KCNMB2: variants seen among roughly 807,000 people sequenced by gnomAD.
KCNMB2 encodes the protein calcium-activated potassium channel subunit beta-2.
In KCNMB2, 9 loss-of-function variants were observed where a neutral mutation model predicts 24.5. The ratio of observed to expected loss-of-function variants is 0.37; its 90% confidence interval spans 0.22 to 0.64. KCNMB2 has a LOEUF of 0.64. Among genes scored for constraint, KCNMB2 ranks in the 30% least tolerant of loss-of-function variants. The pLI, the probability that KCNMB2 is intolerant of heterozygous loss-of-function variation, is 0.63. For missense variants in KCNMB2, 226 were observed against 284.3 expected (o/e 0.79, Z 1.47); for synonymous variants, 109 against 104.4 (o/e 1.04, Z -0.27).
intron 1 of KCNMB2, among the ~76,000 whole-genome samples, chr3:178,693,482 C>A (rs755594945): frequency 7.9e-5 from 12 of 152,070 alleles, no homozygotes; most frequent in Non-Finnish European, 2.9e-5. Context: ...TTATTGAAAG[C>A]ATTTTCTACA....
chr3:178,754,150 G>GTGTATATATATATATATATATA (rs1553773711), intron 1 of KCNMB2, among the ~76,000 whole-genome samples: 1 of 106,282 alleles, frequency 9.4e-6, no homozygotes, highest in African/African-American at 3.8e-5. Flanking sequence ...ATATTCCATT[G>GTGTATATATATATATATATATA]TATATATATA....
At chr3:178,753,305 A>G (rs1723912019) in intron 1 of KCNMB2, among the ~76,000 whole-genome samples, 2 of 152,218 alleles carry the variant, frequency 1.3e-5, no homozygotes, top group Admixed American at 1.3e-4. Flanking sequence ...AGCCACGATG[A>G]TCACAAGTGT....
chr3:178,741,498 T>C (rs1723495708), intron 1 of KCNMB2, among the ~76,000 whole-genome samples: 1 of 152,174 alleles, frequency 6.6e-6, no homozygotes, highest in Non-Finnish European at 1.5e-5. Flanking sequence ...GCTTCATTTT[T>C]TACTTCCCTC....
At chr3:178,559,586 T>C (rs1391347018) in intron 1 of KCNMB2, among the ~76,000 whole-genome samples, 1 of 151,044 alleles carries the variant, frequency 6.6e-6, no homozygotes, top group Non-Finnish European at 1.5e-5. Flanking sequence ...AAATATGTAT[T>C]TTATATCACT....
chr3:178,769,959 C>G (rs2108420101), intron 1 of KCNMB2, among the ~76,000 whole-genome samples: 1 of 152,284 alleles, frequency 6.6e-6, no homozygotes, highest in Non-Finnish European at 1.5e-5. Context: ...AAAAAAATGT[C>G]TGTAACTCAG....
intron 1 of KCNMB2, among the ~76,000 whole-genome samples, chr3:178,674,299 A>G (rs944555070): frequency 4.6e-5 from 7 of 152,072 alleles, no homozygotes; most frequent in African/African-American, 1.7e-4. Context: ...ACTCCACTCT[A>G]GCTTTCTACT....
At chr3:178,756,860 T>G (rs1437817299) in intron 1 of KCNMB2, among the ~76,000 whole-genome samples, 2 of 152,030 alleles carry the variant, frequency 1.3e-5, no homozygotes, top group East Asian at 3.9e-4. Flanking sequence ...ATCTAACACA[T>G]GCATTTTTTC....
At chr3:178,795,679 T>C (rs1453336786) in intron 1 of KCNMB2, among the ~76,000 whole-genome samples, 2 of 152,146 alleles carry the variant, frequency 1.3e-5, no homozygotes, top group African/African-American at 4.8e-5. Context: ...ACCTTGACCT[T>C]AGCCCAGTTA....
chr3:178,650,256 CT>C (rs1350833277), intron 1 of KCNMB2, among the ~76,000 whole-genome samples: 1 of 152,102 alleles, frequency 6.6e-6, no homozygotes. Context: ...GAGTGTTTTG[CT>C]CCCAATTATG....
chr3:178,609,053 T>G (rs2108514171), intron 1 of KCNMB2, among the ~76,000 whole-genome samples: 1 of 152,314 alleles, frequency 6.6e-6, no homozygotes. Context: ...TCAGTTTTTT[T>G]GAGGAACCTC....
rs1279082295 is a variant in KCNMB2 at position 178,759,402 on chromosome 3, GATAT to G, written c.-67-47924_-67-47921del. ...ATATATATATATATCTCTCCAAGAGGATATATATATATATATATATCTCTCCAAG... is the reference window on the plus strand; with the variant it reads ...ATATATATATATATCTCTCCAAGAGGATATATATATATATATCTCTCCAAG... On this transcript the variant is annotated intron_variant, in intron 1 of 4. Transcript: ENST00000452583. 1.7e-3 allele frequency among the ~76,000 whole-genome samples: 21 copies of G among 12,280 alleles called. 4 individuals are homozygous for G. The highest frequency in any genetic ancestry group is 7.2e-3 in the African/African-American group (15 of 2,084). 8.1% of individuals were successfully genotyped at this position (12,280 alleles called of 152,430 possible).
chr3:178,537,715 C>T (rs1376713862), intron 1 of KCNMB2, among the ~76,000 whole-genome samples: 1 of 152,156 alleles, frequency 6.6e-6, no homozygotes, highest in African/African-American at 2.4e-5. Context: ...AAATTTCAGT[C>T]TTTGTCATTG....
chr3:178,786,778 G>A (rs1293182371), intron 1 of KCNMB2, among the ~76,000 whole-genome samples: 1 of 151,282 alleles, frequency 6.6e-6, no homozygotes, highest in East Asian at 1.9e-4. Flanking sequence ...ACTGGGTGGT[G>A]TCTCATGTAA....
chr3:178,617,613 G>A (rs1400092362), intron 1 of KCNMB2, among the ~76,000 whole-genome samples: 6 of 151,740 alleles, frequency 4.0e-5, no homozygotes, highest in Admixed American at 2.6e-4. Flanking sequence ...CACCCAGCGA[G>A]GCGCGGTGGC....
At chr3:178,758,764 G>A (rs796622441) in intron 1 of KCNMB2, among the ~76,000 whole-genome samples, 58 of 470 alleles carry the variant, frequency 0.12, 1 homozygote, top group South Asian at 0.5. Context: ...ATATCTCCAA[G>A]AGGGATATAT....
At chr3:178,812,253 T>C (rs951943374) in intron 2 of KCNMB2, among the ~76,000 whole-genome samples, 3 of 152,186 alleles carry the variant, frequency 2.0e-5, no homozygotes, top group African/African-American at 7.2e-5. Context: ...TTTATTATTA[T>C]ACTTTTAAGT....
chr3:178,567,954 G>A (rs1039867474), intron 1 of KCNMB2, among the ~76,000 whole-genome samples: 2 of 152,128 alleles, frequency 1.3e-5, no homozygotes, highest in African/African-American at 4.8e-5. Context: ...TTGAATGTAT[G>A]TGGCTAACAC....
chr3:178,790,525 G>C (rs1044851504), intron 1 of KCNMB2, among the ~76,000 whole-genome samples: 8 of 152,130 alleles, frequency 5.3e-5, no homozygotes, highest in African/African-American at 1.4e-4. Flanking sequence ...GGGCTGGAGG[G>C]GTGATCACTG....
chr3:178,604,675 A>G (rs1186650252), intron 1 of KCNMB2, among the ~76,000 whole-genome samples: 1 of 152,222 alleles, frequency 6.6e-6, no homozygotes, highest in Non-Finnish European at 1.5e-5. Flanking sequence ...ATTTTCACCA[A>G]TACCTGCTAG....
Sources: allele counts gnomAD v4.1 joint callset (sites outside exome capture counted in the v4.1 genomes callset), GRCh38; gene constraint gnomAD v4.1.1; transcripts MANE v1.5; gene names NCBI Gene and HGNC (gene_info 2026-07-23, HGNC 2026-07-21).